The following MARK3 variants were observed in gnomAD, a reference collection of about 807,000 sequenced individuals.
The protein encoded by MARK3 is MAP/microtubule affinity-regulating kinase 3.
In MARK3, 46 loss-of-function variants were observed where a neutral mutation model predicts 90.1. That is an observed-to-expected ratio of 0.51 (90% CI 0.40 to 0.65). MARK3 has a LOEUF of 0.65. Among genes scored for constraint, MARK3 ranks in the 30% least tolerant of loss-of-function variants. The pLI, the probability that MARK3 is intolerant of heterozygous loss-of-function variation, is 0.00. For missense variants in MARK3, 818 were observed against 947.2 expected, an observed-to-expected ratio of 0.86 and a Z score of 1.79; for synonymous variants, 321 against 332.6, an observed-to-expected ratio of 0.97 and a Z score of 0.38.
chr14:103,449,107 T>TTTTTGA lies in MARK3; in HGVS notation c.346+141_346+146dup, dbSNP rs1343287568. ...CAAGTTGTTGATCATTTGTATTAGC[T>TTTTTGA]TTTTGAAATTGCTGAAGACAGGTTA... is the stretch of plus-strand genomic sequence containing the variant. On this transcript the variant is annotated intron_variant, in intron 4 of 17. Coordinates refer to ENST00000429436, the MANE Select transcript of MARK3 (RefSeq NM_001128918.3). 3 of 1,007,464 alleles carry TTTTTGA rather than the reference T, an allele frequency of 3.0e-6. No homozygotes were observed. The African/African-American group carries it at 5.0e-5, about 17-fold the overall frequency. The allele number at this position is 1,007,464 out of a possible 1,614,324, so 62.4% of individuals were successfully genotyped here.
At chr14:103,486,484 C>G (rs1005602527) in intron 14 of MARK3, among the ~76,000 whole-genome samples, 1 of 151,888 alleles carries the variant, frequency 6.6e-6, no homozygotes, top group Admixed American at 6.6e-5. Flanking sequence ...CTACTATGAA[C>G]CCACAAAAAC....
intron 2 of MARK3, among the ~76,000 whole-genome samples, chr14:103,405,684 A>G (rs1331318167): frequency 6.6e-6 from 1 of 151,218 alleles, no homozygotes; most frequent in Non-Finnish European, 1.5e-5. Flanking sequence ...TCAAGTTCTA[A>G]CCACATAATA....
At chr14:103,476,952 T>C (rs1245374938) in intron 13 of MARK3, among the ~76,000 whole-genome samples, 1 of 152,238 alleles carries the variant, frequency 6.6e-6, no homozygotes, top group Non-Finnish European at 1.5e-5. Context: ...CCAGAGAAGA[T>C]GAGGGCATTA....
chr14:103,483,007 T>C (rs1182177287), intron 14 of MARK3, among the ~76,000 whole-genome samples: 1 of 152,232 alleles, frequency 6.6e-6, no homozygotes, highest in African/African-American at 2.4e-5. Context: ...GACTTTCCTT[T>C]CCTATCTTAT....
rs2089759658 is a variant in MARK3, at chr14:103,386,063, G to C, written c.34G>C (p.Glu12Gln). 6.2e-7 allele frequency: 1 copy of C among 1,614,096 alleles called. No homozygotes were observed. Among genetic ancestry groups the C allele is most frequent in the Non-Finnish European group, 8.5e-7 (1 of 1,180,020 alleles). ...STRTPLPTVNERDTENHTSHG... is the reference protein window; with the variant it reads ...STRTPLPTVNQRDTENHTSHG... ...TAGGACCCCATTGCCAACGGTGAATGAACGAGACACTGAAAACGTAAGTAA... is the reference window on the plus strand; with the variant it reads ...TAGGACCCCATTGCCAACGGTGAATCAACGAGACACTGAAAACGTAAGTAA... The change falls in exon 1 of 18, where the codon GAA (glutamate) becomes CAA (glutamine). Residue 12 changes from glutamate to glutamine, a missense_variant. Glu to Gln is a conservative substitution (Grantham distance 29). Transcript: ENST00000429436.
intron 16 of MARK3, 23 bp from the exon 17 acceptor site, chr14:103,500,133 G>A: frequency 6.2e-7 from 1 of 1,600,420 alleles, no homozygotes; most frequent in Non-Finnish European, 8.6e-7. Flanking sequence ...TCTTCTCTCT[G>A]CTTCTACATT....
intron 1 of MARK3, among the ~76,000 whole-genome samples, chr14:103,394,004 G>T (rs1009516540): frequency 6.6e-6 from 1 of 152,138 alleles, no homozygotes; most frequent in African/African-American, 2.4e-5. Flanking sequence ...AAAGTGCTGG[G>T]ATTACAGGCT....
intron 14 of MARK3, chr14:103,489,409 T>C (rs1479230282): frequency 6.6e-6 from 1 of 152,310 alleles, no homozygotes; most frequent in Non-Finnish European, 1.5e-5. Flanking sequence ...CTGAACTTTT[T>C]ACCAAAGACT....
Position 103,503,540 on chromosome 14 carries a change from G to C in MARK3, c.*313G>C. The C allele has an allele frequency of 3.2e-6, 1 of 316,180 alleles. No homozygotes were observed. Among genetic ancestry groups the C allele is most frequent in the Non-Finnish European group, 5.9e-6 (1 of 169,230 alleles). The allele number at this position is 316,180 out of a possible 1,614,324, so 19.6% of individuals were successfully genotyped here. On this transcript the variant is annotated 3_prime_UTR_variant, in exon 18 of 18. Transcript: ENST00000429436. The stretch of plus-strand genomic sequence containing the variant: ...GTATGTGTGTGAAGTGGTGTATATG[G>C]AAGCATCTCCCTACACTGGCAGCCA...
chr14:103,474,026 C>G (rs865791188), intron 12 of MARK3, among the ~76,000 whole-genome samples: 23 of 142,134 alleles, frequency 1.6e-4, no homozygotes, highest in Middle Eastern at 3.8e-3. Context: ...GAAACCCCGT[C>G]TCTACTAAAA....
At chr14:103,395,789 T>C (rs962003624) in intron 1 of MARK3, among the ~76,000 whole-genome samples, 3 of 152,272 alleles carry the variant, frequency 2.0e-5, no homozygotes, top group South Asian at 2.1e-4. Flanking sequence ...TTCTGTCTTA[T>C]ATAGCATCTG....
chr14:103,451,201 G>A (rs2093140127), intron 4 of MARK3, among the ~76,000 whole-genome samples: 1 of 151,908 alleles, frequency 6.6e-6, no homozygotes, highest in Admixed American at 6.6e-5. Context: ...CCAAAGTGCT[G>A]GGATTACAGG....
At chr14:103,472,243 C>CA (rs1415613611) in intron 12 of MARK3, among the ~76,000 whole-genome samples, 1 of 150,358 alleles carries the variant, frequency 6.7e-6, no homozygotes, top group Non-Finnish European at 1.5e-5. Flanking sequence ...AAATAAAACT[C>CA]CAGAAATATT....
Position 103,503,413 on chromosome 14 carries a change from T to A in MARK3, c.*186T>A. 1.6e-6 allele frequency: 1 copy of A among 607,438 alleles called. No individual in the cohort carries two copies. The highest frequency in any genetic ancestry group is 2.8e-6 in the Non-Finnish European group (1 of 351,706). 37.6% of individuals were successfully genotyped at this position (607,438 alleles called of 1,614,324 possible). A position where few individuals can be genotyped will look rare whatever the true frequency, so the allele number is the denominator to read the frequency against. On this transcript the variant is annotated 3_prime_UTR_variant, in exon 18 of 18. Transcript: ENST00000429436. The stretch of plus-strand genomic sequence containing the variant: ...TTCTACGAATGCACTACATTAAAGA[T>A]GTGCAACCTATGCGCCCCCTGCCCT...
intron 5 of MARK3, among the ~76,000 whole-genome samples, chr14:103,454,367 C>G (rs1038964957): frequency 1.3e-4 from 20 of 152,080 alleles, no homozygotes; most frequent in Non-Finnish European, 1.5e-5. Flanking sequence ...ATTCTCCTGC[C>G]TCAGCTTCCT....
At chr14:103,429,071 G>C (rs1284715606) in intron 3 of MARK3, 1 of 152,178 alleles carries the variant, frequency 6.6e-6, no homozygotes, top group Non-Finnish European at 1.5e-5. Context: ...AATTAGGTTG[G>C]GCCCAGGCAT....
At chr14:103,502,606 G>A (rs2075731530) in intron 17 of MARK3, among the ~76,000 whole-genome samples, 1 of 152,214 alleles carries the variant, frequency 6.6e-6, no homozygotes, top group Non-Finnish European at 1.5e-5. Context: ...CAAGGATTCT[G>A]CTTAACGAAT....
At chr14:103,447,881 C>T (rs1409916942) in intron 3 of MARK3, among the ~76,000 whole-genome samples, 2 of 152,076 alleles carry the variant, frequency 1.3e-5, no homozygotes, top group African/African-American at 2.4e-5. Context: ...TCAAGTGATT[C>T]TCTTGCTCAG....
chr14:103,394,975 G>T (rs1174787339), intron 1 of MARK3, among the ~76,000 whole-genome samples: 1 of 152,076 alleles, frequency 6.6e-6, no homozygotes, highest in Non-Finnish European at 1.5e-5. Flanking sequence ...TAGAAACGGG[G>T]TTTCACCATG....
Sources: gnomAD v4.1 joint callset for allele counts (sites outside exome capture counted in the v4.1 genomes callset) on GRCh38, gnomAD v4.1.1 for gene constraint, MANE v1.5 for transcripts, NCBI Gene and HGNC (gene_info 2026-07-23, HGNC 2026-07-21) for gene names.